C19orf33: variants seen among roughly 807,000 people sequenced by gnomAD.
C19orf33 encodes immortalization up-regulated protein.
A neutral mutation model predicts 9.7 loss-of-function variants in C19orf33; 9 were observed. The observed-to-expected ratio is 0.93, with a 90% CI of 0.56 to 1.61. The LOEUF (loss-of-function observed/expected upper bound fraction) is 1.61, where lower values mean the gene tolerates loss of function less well. Ranked by LOEUF, C19orf33 falls within the 40% of genes most tolerant of loss-of-function variation. The pLI is 0.00. For missense variants in C19orf33, 145 were observed against 137.9 expected, an observed-to-expected ratio of 1.05 and a Z score of -0.26; for synonymous variants, 61 against 54.8, an observed-to-expected ratio of 1.11 and a Z score of -0.50.
Position 38,304,372 on chromosome 19 carries a change from C to T in C19orf33, c.23-3C>T, listed in dbSNP as rs201946524. On this transcript the variant is annotated splice_region_variant and splice_polypyrimidine_tract_variant and intron_variant, in intron 1 of 3. Coordinates refer to ENST00000301246, the MANE Select transcript of C19orf33 (RefSeq NM_033520.3). ...GCACCAACCACCCAACTTCTCTCCA[C>T]AGCCCTGGAGCCCACCTCCCAGAAG... 6.3e-7 allele frequency: 1 copy of T among 1,592,050 alleles called. No individual in the cohort carries two copies. The highest frequency in any genetic ancestry group is 2.3e-5 in the East Asian group (1 of 44,152).
rs773151210 is a variant in C19orf33, at chr19:38,304,324, G to C, written c.22+41G>C. The stretch of plus-strand genomic sequence containing the variant: ...GTGTGGACTGGAGGTGCAGGGGGCC[G>C]GACTCAAGCCCAGAAGCTGCCTGCA... On this transcript the variant is annotated intron_variant, in intron 1 of 3. Transcript: ENST00000301246. 2.5e-6 allele frequency: 4 copies of C among 1,612,800 alleles called. No homozygotes were observed. In the African/African-American group the frequency reaches 5.3e-5, roughly 22 times the overall value.
rs1185535389 is a variant in C19orf33, at chr19:38,304,253, C to T, written c.-9C>T. On this transcript the variant is annotated 5_prime_UTR_variant, in exon 1 of 4. Coordinates refer to ENST00000301246, the MANE Select transcript of C19orf33 (RefSeq NM_033520.3). ...CCCTTGGCCTTAGGACCCAACTTCT[C>T]TTACCGCCATGGAGTTCGACCTGGG... The T allele has an allele frequency of 6.2e-7, 1 of 1,613,548 alleles. No homozygotes were observed. Among genetic ancestry groups the T allele is most frequent in the African/African-American group, 1.3e-5 (1 of 74,934 alleles).
Position 38,304,378 on chromosome 19 carries a change from T to C in C19orf33, c.26T>C (p.Leu9Pro). ...ACCACCCAACTTCTCTCCACAGCCC[T>C]GGAGCCCACCTCCCAGAAGCCCGGT... MEFDLGAA[L>P]EPTSQKPGVG... Residue 9 changes from leucine (L) to proline (P), a missense_variant, in exon 2 of 4, where the codon CTG becomes CCG. Physicochemically the swap from Leu to Pro is moderately conservative, Grantham distance 98 (BLOSUM62 -3). Coordinates refer to ENST00000301246, the MANE Select transcript of C19orf33 (RefSeq NM_033520.3). The C allele has an allele frequency of 6.3e-7, 1 of 1,586,940 alleles. No individual in the cohort carries two copies. The highest frequency in any genetic ancestry group is 1.1e-5 in the South Asian group (1 of 87,414).
rs1209473621 is a variant in C19orf33, at chr19:38,304,740, G to A, written c.201+54G>A. On this transcript the variant is annotated intron_variant, in intron 3 of 3. Coordinates refer to ENST00000301246, the MANE Select transcript of C19orf33 (RefSeq NM_033520.3). ...CACGTGCCCTGCACCCCAGAGAGGC[G>A]TCCCCGCACTGGGGCTGGCGGGGAG... The A allele has an allele frequency of 8.1e-6, 13 of 1,612,078 alleles. No individual in the cohort carries two copies. The African/African-American group carries it at 1.1e-4, about 13-fold the overall frequency.
chr19:38,304,642 T>G lies in C19orf33; in HGVS notation c.157T>G (p.Ser53Ala). Reference sequence around the variant, plus strand: ...CATCCAGCAAGGACACCACAGCTCTTCCGACTCCAGCAGCAGCTCCAGCGA... The same window carrying G: ...CATCCAGCAAGGACACCACAGCTCTGCCGACTCCAGCAGCAGCTCCAGCGA... ...PGPKQGHHSS[S>A]DSSSSSSDSD... is the part of the protein sequence containing the mutation. The change falls in exon 3 of 4, where the codon TCC (serine) becomes GCC (alanine). Residue 53 changes from serine (S) to alanine (A), a missense_variant. By Grantham distance (99) the Ser-to-Ala change is moderately conservative. Transcript: ENST00000301246. The G allele has an allele frequency of 6.2e-7, 1 of 1,613,520 alleles. No individual in the cohort carries two copies.
At position 38,304,625 on chromosome 19, in the gene C19orf33, A is replaced by G. The variant is rs756964458; in HGVS notation, c.140A>G (p.Gln47Arg). 6.2e-7 allele frequency: 1 copy of G among 1,613,486 alleles called. No individual in the cohort carries two copies. The highest frequency in any genetic ancestry group is 2.2e-5 in the East Asian group (1 of 44,856). ...CCTCACTGCCGCACCTCCATCCAGCAAGGACACCACAGCTCTTCCGACTCC... is the reference window on the plus strand; with the variant it reads ...CCTCACTGCCGCACCTCCATCCAGCGAGGACACCACAGCTCTTCCGACTCC... Reference protein sequence around the residue: ...SEAGAGPGPKQGHHSSSDSSS... With the variant: ...SEAGAGPGPKRGHHSSSDSSS... Residue 47 changes from glutamine (Q) to arginine (R), a missense_variant and splice_region_variant, in exon 3 of 4, where the codon CAA becomes CGA. By Grantham distance (43) the Gln-to-Arg change is conservative. Coordinates refer to ENST00000301246, the MANE Select transcript of C19orf33 (RefSeq NM_033520.3).
rs1968910254 is a variant in C19orf33 at position 38,304,692 on chromosome 19, G to C, written c.201+6G>C. On this transcript the variant is annotated splice_donor_region_variant and intron_variant, in intron 3 of 3. Transcript: ENST00000301246. Reference sequence around the variant, plus strand: ...ATTCGGACACGGATGTGAAGGTAAGGGGCTCTCGCCAGCGTCCCCAAGCAC... The same window carrying C: ...ATTCGGACACGGATGTGAAGGTAAGCGGCTCTCGCCAGCGTCCCCAAGCAC... 6.2e-7 allele frequency: 1 copy of C among 1,613,562 alleles called. No homozygotes were observed.
At chr19:38,304,327 C>T (rs1176551955) in intron 1 of C19orf33, 44 bp downstream of exon 1, 7 of 1,612,870 alleles carry the variant, frequency 4.3e-6, no homozygotes, top group Non-Finnish European at 5.9e-6. Context: ...GGGGGCCGGA[C>T]TCAAGCCCAG....
At chr19:38,304,329 C>CA in intron 1 of C19orf33, 46 bp downstream of exon 1, 1 of 1,612,648 alleles carries the variant, frequency 6.2e-7, no homozygotes, top group Non-Finnish European at 8.5e-7. Context: ...GGGCCGGACT[C>CA]AAGCCCAGAA....
intron 3 of C19orf33, 22 bp downstream of exon 3, chr19:38,304,708 C>T: frequency 6.2e-7 from 1 of 1,613,676 alleles, no homozygotes. Context: ...TCGCCAGCGT[C>T]CCCAAGCACG....
Position 38,304,951 on chromosome 19 carries a change from A to AG in C19orf33, c.310dup (p.Ala104GlyfsTer?), listed in dbSNP as rs1260798693. 8.1e-6 allele frequency: 13 copies of AG among 1,608,764 alleles called. No homozygotes were observed. The East Asian group carries it at 1.8e-4, about 22-fold the overall frequency. Reference sequence around the variant, plus strand: ...AAGAAGGAGAAGGGCAAGAAGAAGGAGGCTCCCCACTGAAGGGCCCTGGAC... The same window carrying AG: ...AAGAAGGAGAAGGGCAAGAAGAAGGAGGGCTCCCCACTGAAGGGCCCTGGAC... On this transcript the variant is annotated frameshift_variant, in exon 4 of 4. Transcript: ENST00000301246. LOFTEE classifies it high-confidence loss of function.
In C19orf33 at chr19:38,304,884, G is replaced by A. The variant is rs376043011; in HGVS notation, c.241G>A (p.Gly81Ser). 4 of 1,612,130 alleles carry A rather than the reference G, an allele frequency of 2.5e-6. No homozygotes were observed. In the East Asian group the frequency reaches 9.0e-5, roughly 36 times the overall value. ...CTCCAAGCAGCACGAGAGCATCCCG[G>A]GCAAGGCCAAGAAGCCCAAAGTGAA... ...AGSKQHESIP[G>S]KAKKPKVKKK... The change falls in exon 4 of 4, where the codon GGC becomes AGC. Residue 81 changes from glycine to serine, a missense_variant. By Grantham distance (56) the Gly-to-Ser change is moderately conservative. Transcript: ENST00000301246.
At position 38,304,866 on chromosome 19, in the gene C19orf33, C is replaced by A; in HGVS notation, c.223C>A (p.Gln75Lys). ...DVKSHAAGSK[Q>K]HESIPGKAKK... ...ACAGTCCCACGCTGCTGGCTCCAAG[C>A]AGCACGAGAGCATCCCGGGCAAGGC... The change falls in exon 4 of 4, where the codon CAG (glutamine) becomes AAG (lysine). Residue 75 changes from glutamine to lysine, a missense_variant. By Grantham distance (53) the Gln-to-Lys change is moderately conservative. Transcript: ENST00000301246. 2 of 1,613,738 alleles carry A rather than the reference C, an allele frequency of 1.2e-6. No individual in the cohort carries two copies. Among genetic ancestry groups the A allele is most frequent in the Non-Finnish European group, 1.7e-6 (2 of 1,179,992 alleles).
rs1457215599 is a variant in C19orf33, at chr19:38,304,644, C to T, written c.159C>T (p.Ser53=). The T allele has an allele frequency of 2.5e-6, 4 of 1,613,596 alleles. No individual in the cohort carries two copies. The highest frequency in any genetic ancestry group is 2.2e-5 in the East Asian group (1 of 44,862). Residue 53 remains serine (S), a synonymous_variant, in exon 3 of 4, where the codon TCC becomes TCT. Transcript: ENST00000301246. ...PGPKQGHHSS[S]DSSSSSSDSD... Reference sequence around the variant, plus strand: ...TCCAGCAAGGACACCACAGCTCTTCCGACTCCAGCAGCAGCTCCAGCGATT... The same window carrying T: ...TCCAGCAAGGACACCACAGCTCTTCTGACTCCAGCAGCAGCTCCAGCGATT...
chr19:38,304,576 C>A (rs921275120), intron 2 of C19orf33, 48 bp from the exon 3 acceptor site: 26 of 1,610,498 alleles, frequency 1.6e-5, no homozygotes, highest in Non-Finnish European at 2.1e-5. Flanking sequence ...CCTCCAACTT[C>A]AGGGGGCTGG....
Position 38,304,837 on chromosome 19 carries a change from C to A in C19orf33, c.202-8C>A. On this transcript the variant is annotated splice_region_variant and splice_polypyrimidine_tract_variant and intron_variant, in intron 3 of 3. Coordinates refer to ENST00000301246, the MANE Select transcript of C19orf33 (RefSeq NM_033520.3). ...TCTTCTCTCCCATCCCTGCCCTCGG[C>A]CCCACAGTCCCACGCTGCTGGCTCC... 1 of 1,613,706 alleles carries A rather than the reference C, an allele frequency of 6.2e-7. No homozygotes were observed. The highest frequency in any genetic ancestry group is 8.5e-7 in the Non-Finnish European group (1 of 1,179,972).
chr19:38,304,883 G>T lies in C19orf33; in HGVS notation c.240G>T (p.Pro80=). The change falls in exon 4 of 4, where the codon CCG becomes CCT. Residue 80 remains proline, a synonymous_variant. Transcript: ENST00000301246. ...AAGSKQHESI[P]GKAKKPKVKK... ...GCTCCAAGCAGCACGAGAGCATCCC[G>T]GGCAAGGCCAAGAAGCCCAAAGTGA... The T allele has an allele frequency of 6.2e-7, 1 of 1,613,596 alleles. No individual in the cohort carries two copies. The highest frequency in any genetic ancestry group is 1.1e-5 in the South Asian group (1 of 91,076).
chr19:38,304,383 C>T lies in C19orf33; in HGVS notation c.31C>T (p.Pro11Ser), dbSNP rs1036310233. 3.2e-6 allele frequency: 5 copies of T among 1,582,602 alleles called. No homozygotes were observed. In the Admixed American group the frequency reaches 5.6e-5, roughly 18 times the overall value. The change falls in exon 2 of 4, where the codon CCC (proline) becomes TCC (serine). Residue 11 changes from proline to serine, a missense_variant. Coordinates refer to ENST00000301246, the MANE Select transcript of C19orf33 (RefSeq NM_033520.3). Reference sequence around the variant, plus strand: ...CCAACTTCTCTCCACAGCCCTGGAGCCCACCTCCCAGAAGCCCGGTGTGGG... The same window carrying T: ...CCAACTTCTCTCCACAGCCCTGGAGTCCACCTCCCAGAAGCCCGGTGTGGG... Reference protein sequence around the residue: MEFDLGAALEPTSQKPGVGAG... With the variant: MEFDLGAALESTSQKPGVGAG...
rs780165916 is a variant in C19orf33 at position 38,304,406 on chromosome 19, G to T, written c.54G>T (p.Val18=). Reference sequence around the variant, plus strand: ...AGCCCACCTCCCAGAAGCCCGGTGTGGGGGCGGGCCACGGGGGAGATCCCA... The same window carrying T: ...AGCCCACCTCCCAGAAGCCCGGTGTTGGGGCGGGCCACGGGGGAGATCCCA... ...ALEPTSQKPG[V]GAGHGGDPKL... is the part of the protein sequence containing the mutation. The change falls in exon 2 of 4, where the codon GTG becomes GTT. Residue 18 remains valine, a synonymous_variant. Transcript: ENST00000301246. The T allele has an allele frequency of 8.9e-6, 14 of 1,570,224 alleles. No homozygotes were observed. The highest frequency in any genetic ancestry group is 2.3e-5 in the East Asian group (1 of 42,804).
Sources: gnomAD v4.1 joint callset for allele counts on GRCh38, gnomAD v4.1.1 for gene constraint, MANE v1.5 for transcripts, NCBI Gene and HGNC (gene_info 2026-07-23, HGNC 2026-07-21) for gene names.